CPQ: variants seen among roughly 807,000 people sequenced by gnomAD.
The protein encoded by CPQ is Ser-Met dipeptidase.
In CPQ, 37 loss-of-function variants were observed where a neutral mutation model predicts 45.7. The observed-to-expected ratio is 0.81, with a 90% CI of 0.62 to 1.07. The LOEUF (loss-of-function observed/expected upper bound fraction) is 1.07, where lower values mean the gene tolerates loss of function less well. Ranked by LOEUF, CPQ falls within the 50% of genes least tolerant of loss-of-function variation. The pLI, the probability that CPQ is intolerant of heterozygous loss-of-function variation, is 0.00. For synonymous variants in CPQ, 186 were observed against 205.8 expected, an observed-to-expected ratio of 0.90 and a Z score of 0.82; for missense variants, 537 against 572.9, an observed-to-expected ratio of 0.94 and a Z score of 0.64.
At chr8:96,856,802 G>C (rs1811857850) in intron 3 of CPQ, among the ~76,000 whole-genome samples, 1 of 152,174 alleles carries the variant, frequency 6.6e-6, no homozygotes, top group African/African-American at 2.4e-5. Flanking sequence ...AGTGGTTAAG[G>C]AAAAACCTCT....
intron 7 of CPQ, among the ~76,000 whole-genome samples, chr8:97,120,413 C>T (rs1279938334): frequency 1.3e-5 from 2 of 150,348 alleles, no homozygotes; most frequent in Non-Finnish European, 3.0e-5. Flanking sequence ...TATTCCTTTA[C>T]TGATCCCTCT....
intron 5 of CPQ, among the ~76,000 whole-genome samples, chr8:96,988,770 CTCCCCCTTTAGTGAAGTATGAACTGA>C (rs1302485511): frequency 6.6e-6 from 1 of 152,170 alleles, no homozygotes; most frequent in East Asian, 1.9e-4. Flanking sequence ...ACAGAAATGC[CTCCCCCTTTAGTGAAGTATGAACTGA>C]GGGTGCTGCA....
At chr8:96,805,409 A>T (rs1162857887) in intron 2 of CPQ, among the ~76,000 whole-genome samples, 1 of 152,098 alleles carries the variant, frequency 6.6e-6, no homozygotes, top group African/African-American at 2.4e-5. Flanking sequence ...TGACAGTGTG[A>T]CCTTTATCAA....
At chr8:96,984,832 A>ATAAC (rs1429813049) in intron 5 of CPQ, among the ~76,000 whole-genome samples, 1 of 152,232 alleles carries the variant, frequency 6.6e-6, no homozygotes, top group Non-Finnish European at 1.5e-5. Flanking sequence ...TTCCTGGCAC[A>ATAAC]TAACTGCTCA....
chr8:97,123,070 AT>A (rs1218542044), intron 7 of CPQ, among the ~76,000 whole-genome samples: 12 of 123,532 alleles, frequency 9.7e-5, no homozygotes, highest in Non-Finnish European at 1.8e-4. Context: ...AATAAAAAAA[AT>A]AAAATAAAAT....
At chr8:96,676,560 A>G (rs952083181) in intron 1 of CPQ, among the ~76,000 whole-genome samples, 4 of 151,942 alleles carry the variant, frequency 2.6e-5, no homozygotes, top group East Asian at 1.9e-4. Context: ...TCTTCTGTTG[A>G]TAGACACTTG....
At chr8:97,110,211 T>C (rs1811477323) in intron 7 of CPQ, among the ~76,000 whole-genome samples, 1 of 152,216 alleles carries the variant, frequency 6.6e-6, no homozygotes, top group Non-Finnish European at 1.5e-5. Context: ...TTGAACTTCA[T>C]ATAAATGGAC....
At chr8:96,784,514 A>G (rs1335326678) in intron 1 of CPQ, among the ~76,000 whole-genome samples, 1 of 152,094 alleles carries the variant, frequency 6.6e-6, no homozygotes, top group African/African-American at 2.4e-5. Context: ...AAGGACACCC[A>G]TTTGGATTAT....
intron 5 of CPQ, among the ~76,000 whole-genome samples, chr8:96,996,292 T>A (rs1044779407): frequency 1.9e-4 from 29 of 151,886 alleles, no homozygotes; most frequent in African/African-American, 6.8e-4. Context: ...GGTGCTTGGC[T>A]GTGAAGGAAA....
At chr8:96,744,675 A>G (rs541543556) in intron 1 of CPQ, among the ~76,000 whole-genome samples, 69 of 152,286 alleles carry the variant, frequency 4.5e-4, no homozygotes, top group African/African-American at 1.6e-3. Flanking sequence ...ATTTGACATT[A>G]AATTTTTGTT....
At chr8:96,839,174 C>A (rs961207231) in intron 3 of CPQ, among the ~76,000 whole-genome samples, 6 of 151,720 alleles carry the variant, frequency 4.0e-5, no homozygotes, top group Non-Finnish European at 7.4e-5. Flanking sequence ...TTGATTTGAC[C>A]AGTTTGATTG....
At chr8:96,742,229 AT>A (rs1810102898) in intron 1 of CPQ, among the ~76,000 whole-genome samples, 1 of 152,296 alleles carries the variant, frequency 6.6e-6, no homozygotes, top group Admixed American at 6.5e-5. Context: ...CCATTAAGTA[AT>A]GTCCTTCTTT....
intron 1 of CPQ, among the ~76,000 whole-genome samples, chr8:96,731,704 T>C (rs1209424851): frequency 6.6e-6 from 1 of 151,988 alleles, no homozygotes; most frequent in Non-Finnish European, 1.5e-5. Context: ...ATAATAGGCA[T>C]AGTGGAAGGG....
chr8:96,646,237 G>A (rs1586343309), intron 1 of CPQ, among the ~76,000 whole-genome samples: 2 of 151,928 alleles, frequency 1.3e-5, no homozygotes, highest in Non-Finnish European at 2.9e-5. Flanking sequence ...ACGCCCCCTG[G>A]TATTTCCATT....
intron 1 of CPQ, among the ~76,000 whole-genome samples, chr8:96,781,798 A>C (rs544159086): frequency 9.2e-5 from 14 of 152,322 alleles, no homozygotes; most frequent in African/African-American, 3.4e-4. Flanking sequence ...ATCTATTTCC[A>C]CAATACAATG....
intron 1 of CPQ, among the ~76,000 whole-genome samples, chr8:96,648,369 T>C (rs1341751013): frequency 6.6e-6 from 1 of 152,202 alleles, no homozygotes; most frequent in African/African-American, 2.4e-5. Flanking sequence ...TAAAATGTAC[T>C]TTCTTCTCCC....
chr8:96,853,025 G>A (rs1049578978), intron 3 of CPQ, among the ~76,000 whole-genome samples: 3 of 152,176 alleles, frequency 2.0e-5, no homozygotes, highest in Admixed American at 6.5e-5. Flanking sequence ...AGTCTTAATT[G>A]TGAGCCCTAA....
intron 7 of CPQ, among the ~76,000 whole-genome samples, chr8:97,105,977 A>G (rs1811397507): frequency 6.6e-6 from 1 of 152,186 alleles, no homozygotes; most frequent in Non-Finnish European, 1.5e-5. Flanking sequence ...ATGTGCCTTC[A>G]TCTTCCTTTC....
At chr8:96,998,299 T>C (rs1328450456) in intron 5 of CPQ, among the ~76,000 whole-genome samples, 1 of 151,896 alleles carries the variant, frequency 6.6e-6, no homozygotes, top group Non-Finnish European at 1.5e-5. Context: ...TTGAAATGAT[T>C]AGAAATAAAA....
Sources: gnomAD v4.1 joint callset for allele counts (sites outside exome capture counted in the v4.1 genomes callset) on GRCh38, gnomAD v4.1.1 for gene constraint, MANE v1.5 for transcripts, NCBI Gene and HGNC (gene_info 2026-07-23, HGNC 2026-07-21) for gene names.